The following KIF21A variants were observed in gnomAD, a reference collection of about 807,000 sequenced individuals.
KIF21A encodes the protein kinesin family member 21A.
In KIF21A, 114 loss-of-function variants were observed where a neutral mutation model predicts 202.9. The observed-to-expected ratio is 0.56, with a 90% CI of 0.48 to 0.66. The LOEUF is 0.66. Among genes scored for constraint, KIF21A ranks in the 30% least tolerant of loss-of-function variants. The probability of loss-of-function intolerance (pLI) is 0.00; values close to 1 mark genes in which losing one functional copy is unlikely to be tolerated. For synonymous variants in KIF21A, 667 were observed against 670.8 expected (o/e 0.99, Z 0.09); for missense variants, 1,677 against 1,994.9 (o/e 0.84, Z 3.04).
chr12:39,402,292 AATGT>A (rs2139874085), intron 1 of KIF21A, among the ~76,000 whole-genome samples: 1 of 152,340 alleles, frequency 6.6e-6, no homozygotes, highest in South Asian at 2.1e-4. Flanking sequence ...GAGTTGGATC[AATGT>A]ATTTCTAGAA....
rs1263343936 is a variant in KIF21A at position 39,406,579 on chromosome 12, T to C, written c.45-36318A>G. ...AGCCTGTGTTCTAGGTCATTTGGCA[T>C]TTATCATTTGCTTACTTATGTATCC... On this transcript the variant is annotated intron_variant, in intron 1 of 37. Coordinates refer to ENST00000361418, the MANE Select transcript of KIF21A (RefSeq NM_001173464.2). Among the ~76,000 whole-genome samples the C allele has an allele frequency of 2.0e-5, 3 of 152,260 alleles. No individual in the cohort carries two copies. The East Asian group carries it at 5.8e-4, about 29-fold the overall frequency.
At chr12:39,366,962 T>G in intron 5 of KIF21A, 68 bp downstream of exon 5, 2 of 1,418,662 alleles carry the variant, frequency 1.4e-6, no homozygotes, top group Non-Finnish European at 2.0e-6. Flanking sequence ...AAATATATTC[T>G]CAGAGAATTC....
chr12:39,335,410 CAAAAAAAAAAAAAA>C (rs1033088626), intron 17 of KIF21A, among the ~76,000 whole-genome samples: 3 of 61,964 alleles, frequency 4.8e-5, no homozygotes, highest in Non-Finnish European at 7.0e-5. Context: ...GACTCTGTCT[CAAAAAAAAAAAAAA>C]AAAAAAAAAT....
At chr12:39,392,576 T>C (rs1232204622) in intron 1 of KIF21A, among the ~76,000 whole-genome samples, 1 of 152,044 alleles carries the variant, frequency 6.6e-6, no homozygotes, top group Non-Finnish European at 1.5e-5. Context: ...ACCACTTATG[T>C]TTGCCAGAAA....
intron 1 of KIF21A, among the ~76,000 whole-genome samples, chr12:39,396,106 C>T (rs1339809258): frequency 1.3e-5 from 2 of 152,080 alleles, no homozygotes; most frequent in East Asian, 1.9e-4. Flanking sequence ...ACCTGACCTC[C>T]GGACCAGTGA....
At chr12:39,372,604 C>G (rs908511175) in intron 1 of KIF21A, among the ~76,000 whole-genome samples, 1 of 152,186 alleles carries the variant, frequency 6.6e-6, no homozygotes, top group Non-Finnish European at 1.5e-5. Context: ...ATATTGTGTA[C>G]TGTAATACAT....
intron 1 of KIF21A, among the ~76,000 whole-genome samples, chr12:39,438,542 C>A (rs775956574): frequency 4.6e-5 from 7 of 152,168 alleles, no homozygotes; most frequent in African/African-American, 7.2e-5. Context: ...CCTAAGCCTG[C>A]TGAGCAATGC....
intron 1 of KIF21A, among the ~76,000 whole-genome samples, chr12:39,421,054 A>G (rs867881946): frequency 1.3e-5 from 2 of 152,368 alleles, no homozygotes; most frequent in Middle Eastern, 3.4e-3. Flanking sequence ...TCAATGACTG[A>G]CCGCATATTC....
In KIF21A at chr12:39,309,009, G is replaced by GA. The variant is rs143897037; in HGVS notation, c.4277+576dup. ...AAATTCATCAATATCACAGCAAAAA[G>GA]AATCACTTGTTCTACACTTTTAAAG... On this transcript the variant is annotated intron_variant, in intron 33 of 37. Coordinates refer to ENST00000361418, the MANE Select transcript of KIF21A (RefSeq NM_001173464.2). 4.9e-3 allele frequency among the ~76,000 whole-genome samples: 739 copies of GA among 152,154 alleles called. 7 individuals carry two copies. The highest frequency in any genetic ancestry group is 0.017 in the African/African-American group (691 of 41,500).
intron 26 of KIF21A, among the ~76,000 whole-genome samples, chr12:39,325,265 C>T (rs186532718): frequency 1.3e-5 from 2 of 152,160 alleles, no homozygotes; most frequent in African/African-American, 4.8e-5. Context: ...AAGAATCACC[C>T]TCCATAATTG....
At position 39,358,321 on chromosome 12, in the gene KIF21A, T is replaced by A. The variant is rs1948952236; in HGVS notation, c.1072A>T (p.Thr358Ser). The change falls in exon 8 of 38, where the codon ACG becomes TCG. Residue 358 changes from threonine to serine, a missense_variant. Coordinates refer to ENST00000361418, the MANE Select transcript of KIF21A (RefSeq NM_001173464.2). The stretch of plus-strand genomic sequence containing the variant: ...TTGGCGTATTTCAGGGTGTTTAACG[T>A]TTCCATAAAGTCTCTGTCTGAAGGG... ...VSPSDRDFME[T>S]LNTLKYANRA... The A allele has an allele frequency of 6.2e-7, 1 of 1,614,132 alleles. No homozygotes were observed. The highest frequency in any genetic ancestry group is 8.5e-7 in the Non-Finnish European group (1 of 1,179,994).
At chr12:39,435,301 T>C (rs1566388414) in intron 1 of KIF21A, among the ~76,000 whole-genome samples, 1 of 152,250 alleles carries the variant, frequency 6.6e-6, no homozygotes, top group South Asian at 2.1e-4. Context: ...CCTTCAAATG[T>C]TCTATTGTAA....
chr12:39,422,084 A>G (rs1289371025), intron 1 of KIF21A, among the ~76,000 whole-genome samples: 1 of 150,928 alleles, frequency 6.6e-6, no homozygotes. Context: ...TCAGCCTCCC[A>G]AGTAGCTGGG....
intron 26 of KIF21A, among the ~76,000 whole-genome samples, chr12:39,325,461 A>G (rs1945772321): frequency 6.7e-6 from 1 of 148,716 alleles, no homozygotes; most frequent in African/African-American, 2.5e-5. Context: ...CCTCCCGAGT[A>G]GCTGGGACTA....
At chr12:39,378,621 G>A (rs1950412317) in intron 1 of KIF21A, among the ~76,000 whole-genome samples, 1 of 152,112 alleles carries the variant, frequency 6.6e-6, no homozygotes, top group Admixed American at 6.5e-5. Context: ...GTATGTGGTG[G>A]CCTATTGATA....
Position 39,294,174 on chromosome 12 carries a change from C to A in KIF21A, c.*250G>T. On this transcript the variant is annotated 3_prime_UTR_variant, in exon 38 of 38. Coordinates refer to ENST00000361418, the MANE Select transcript of KIF21A (RefSeq NM_001173464.2). Reference sequence around the variant, plus strand: ...TTATAGATAGGCACAAAAATTCAGCCACAATAAAAGTGTGAATAAAGCAAT... The same window carrying A: ...TTATAGATAGGCACAAAAATTCAGCAACAATAAAAGTGTGAATAAAGCAAT... 8.0e-6 allele frequency: 3 copies of A among 375,764 alleles called. No individual in the cohort carries two copies. Among genetic ancestry groups the A allele is most frequent in the African/African-American group, 2.1e-5 (1 of 48,148 alleles). 23.3% of individuals were successfully genotyped at this position (375,764 alleles called of 1,614,324 possible).
intron 37 of KIF21A, among the ~76,000 whole-genome samples, chr12:39,299,921 A>G (rs1303387227): frequency 2.6e-5 from 4 of 152,000 alleles, no homozygotes; most frequent in Admixed American, 1.3e-4. Context: ...AGACACAAAA[A>G]AGGGAACAAC....
chr12:39,299,736 TG>T (rs1942783680), intron 37 of KIF21A, among the ~76,000 whole-genome samples: 2 of 152,166 alleles, frequency 1.3e-5, no homozygotes, highest in African/African-American at 4.8e-5. Context: ...ATAAAGAAAA[TG>T]TGGTACATAT....
intron 34 of KIF21A, among the ~76,000 whole-genome samples, chr12:39,305,598 T>C (rs1943397174): frequency 6.6e-6 from 1 of 152,162 alleles, no homozygotes; most frequent in South Asian, 2.1e-4. Context: ...TCAAAACTAA[T>C]ATAATCTATG....
Sources: allele counts gnomAD v4.1 joint callset (sites outside exome capture counted in the v4.1 genomes callset), GRCh38; gene constraint gnomAD v4.1.1; transcripts MANE v1.5; gene names NCBI Gene and HGNC (gene_info 2026-07-23, HGNC 2026-07-21).